Variants in GMDS observed in about 807,000 individuals in gnomAD.
GMDS encodes the protein GDP-mannose 4,6-dehydratase, also known as GDP-mannose 4,6 dehydratase.
Under a neutral mutation model 49.9 loss-of-function variants are expected in GMDS, and 20 were observed. The ratio of observed to expected loss-of-function variants is 0.40; its 90% CI spans 0.28 to 0.58. GMDS has a LOEUF of 0.58. Ranked by LOEUF, GMDS falls within the 20% of genes least tolerant of loss-of-function variation. The pLI is 0.42. For synonymous variants in GMDS, 177 were observed against 178.6 expected (o/e 0.99, Z 0.07); for missense variants, 362 against 481.4 (o/e 0.75, Z 2.32).
intron 1 of GMDS, among the ~76,000 whole-genome samples, chr6:2,227,576 A>G (rs1270637994): frequency 2.6e-5 from 4 of 152,252 alleles, no homozygotes; most frequent in Non-Finnish European, 1.5e-5. Flanking sequence ...AGTAGTTCCT[A>G]GAGAGTGACT....
intron 4 of GMDS, among the ~76,000 whole-genome samples, chr6:2,053,831 G>A (rs1035221003): frequency 6.6e-6 from 1 of 152,044 alleles, no homozygotes; most frequent in African/African-American, 2.4e-5. Flanking sequence ...GATAGGCATT[G>A]CTAACTAGGT....
intron 7 of GMDS, among the ~76,000 whole-genome samples, chr6:1,749,768 T>A (rs1184715817): frequency 6.6e-6 from 1 of 152,202 alleles, no homozygotes; most frequent in African/African-American, 2.4e-5. Flanking sequence ...ATTCATAGCC[T>A]GTGTGTATAG....
At chr6:1,964,607 T>C (rs960911998) in intron 4 of GMDS, among the ~76,000 whole-genome samples, 10 of 152,192 alleles carry the variant, frequency 6.6e-5, no homozygotes, top group South Asian at 2.1e-4. Context: ...CATTAGAACA[T>C]AGAATAAGGA....
At chr6:2,071,521 A>G (rs182515811) in intron 4 of GMDS, among the ~76,000 whole-genome samples, 1 of 152,236 alleles carries the variant, frequency 6.6e-6, no homozygotes, top group African/African-American at 2.4e-5. Context: ...CTTAATTAAC[A>G]GGAGCTCAAT....
chr6:2,105,768 T>G (rs1173425982), intron 4 of GMDS, among the ~76,000 whole-genome samples: 11 of 152,182 alleles, frequency 7.2e-5, no homozygotes, highest in Non-Finnish European at 1.3e-4. Context: ...AGGAACAGGT[T>G]TTTTTACCCT....
chr6:2,181,193 AAAGAC>A (rs1159909594), intron 1 of GMDS, among the ~76,000 whole-genome samples: 162 of 151,642 alleles, frequency 1.1e-3, no homozygotes, highest in Admixed American at 8.9e-3. Context: ...AAAAAAAAAA[AAAGAC>A]AGATCGATGA....
chr6:1,793,627 G>A (rs761219604), intron 7 of GMDS, among the ~76,000 whole-genome samples: 1 of 152,196 alleles, frequency 6.6e-6, no homozygotes, highest in Non-Finnish European at 1.5e-5. Flanking sequence ...ATAGTTTATT[G>A]TGAAGGCAGC....
At chr6:1,999,992 T>TA (rs1766639805) in intron 4 of GMDS, among the ~76,000 whole-genome samples, 1 of 16,608 alleles carries the variant, frequency 6.0e-5, no homozygotes, top group Non-Finnish European at 1.3e-4. Context: ...TTTATATATA[T>TA]ATATTATATA....
intron 7 of GMDS, among the ~76,000 whole-genome samples, chr6:1,773,419 C>T (rs780609348): frequency 1.2e-4 from 19 of 152,230 alleles, no homozygotes; most frequent in Non-Finnish European, 2.5e-4. Context: ...AAGTGTTAGG[C>T]ATGAAATACA....
chr6:2,077,205 T>C (rs993917474), intron 4 of GMDS, among the ~76,000 whole-genome samples: 1 of 152,178 alleles, frequency 6.6e-6, no homozygotes, highest in Non-Finnish European at 1.5e-5. Flanking sequence ...GTCTTGTTTT[T>C]TTCTAATAAG....
intron 4 of GMDS, among the ~76,000 whole-genome samples, chr6:2,026,638 T>G (rs1438633690): frequency 6.6e-6 from 1 of 152,220 alleles, no homozygotes; most frequent in Non-Finnish European, 1.5e-5. Context: ...CATGAACATT[T>G]CCTAAAGTGC....
chr6:2,098,970 G>A (rs60508561), intron 4 of GMDS, among the ~76,000 whole-genome samples: 4 of 152,142 alleles, frequency 2.6e-5, no homozygotes, highest in East Asian at 1.9e-4. Context: ...AAAAAAGGAC[G>A]CTTTGAAAAT....
intron 1 of GMDS, among the ~76,000 whole-genome samples, chr6:2,176,511 G>A (rs562862777): frequency 1.3e-5 from 2 of 152,208 alleles, no homozygotes; most frequent in African/African-American, 4.8e-5. Context: ...GAGGAAATTC[G>A]GGGTTGGGTG....
chr6:1,922,389 A>G (rs1461357293), intron 7 of GMDS, among the ~76,000 whole-genome samples: 4 of 152,082 alleles, frequency 2.6e-5, no homozygotes, highest in African/African-American at 9.7e-5. Context: ...GCTATATGCT[A>G]CTCTCCTGCA....
At chr6:1,670,270 C>A (rs546259175) in intron 9 of GMDS, among the ~76,000 whole-genome samples, 27 of 152,044 alleles carry the variant, frequency 1.8e-4, no homozygotes, top group African/African-American at 6.3e-4. Context: ...AGAAGGGATG[C>A]GCTGGTTACA....
At chr6:2,129,421 C>T (rs943592887) in intron 1 of GMDS, among the ~76,000 whole-genome samples, 1 of 152,184 alleles carries the variant, frequency 6.6e-6, no homozygotes, top group Non-Finnish European at 1.5e-5. Flanking sequence ...AATGTGAGAA[C>T]CTGGCCCCTC....
At chr6:1,726,018 C>T (rs1766570454) in intron 9 of GMDS, among the ~76,000 whole-genome samples, 1 of 152,166 alleles carries the variant, frequency 6.6e-6, no homozygotes, top group African/African-American at 2.4e-5. Context: ...TATGAGTACA[C>T]AGACACAGAC....
chr6:1,696,772 A>C (rs1765357177), intron 9 of GMDS, among the ~76,000 whole-genome samples: 2 of 152,192 alleles, frequency 1.3e-5, no homozygotes, highest in African/African-American at 4.8e-5. Flanking sequence ...ACTGCCTTCC[A>C]CTCTGGAGAG....
intron 8 of GMDS, among the ~76,000 whole-genome samples, chr6:1,735,081 T>C (rs572900907): frequency 5.3e-5 from 8 of 152,332 alleles, no homozygotes; most frequent in African/African-American, 1.9e-4. Context: ...ATGGAGCTTC[T>C]GCTGTGTGGG....
Sources: allele counts gnomAD v4.1 joint callset (sites outside exome capture counted in the v4.1 genomes callset), GRCh38; gene constraint gnomAD v4.1.1; transcripts MANE v1.5; gene names NCBI Gene and HGNC (gene_info 2026-07-23, HGNC 2026-07-21).